The following SLC25A48 variants were observed in gnomAD, a reference collection of about 807,000 sequenced individuals.
The protein encoded by SLC25A48 is CTC-321K16.1.
Under a neutral mutation model 32.2 loss-of-function variants are expected in SLC25A48, and 29 were observed. The observed-to-expected ratio is 0.90, with a 90% CI of 0.67 to 1.23. SLC25A48 has a LOEUF of 1.23. Among genes scored for constraint, SLC25A48 ranks in the 50% most tolerant of loss-of-function variants. The pLI is 0.00. For synonymous variants in SLC25A48, 164 were observed against 172.3 expected (o/e 0.95, Z 0.38); for missense variants, 399 against 422.7 (o/e 0.94, Z 0.49).
chr5:135,887,194 T>C (rs1265952378), intron 7 of SLC25A48, among the ~76,000 whole-genome samples: 2 of 152,116 alleles, frequency 1.3e-5, no homozygotes, highest in African/African-American at 4.8e-5. Context: ...TCTAAACCAA[T>C]ATAATTAACG....
At chr5:135,722,451 T>C (rs1366606807) in intron 3 of SLC25A48, among the ~76,000 whole-genome samples, 1 of 152,206 alleles carries the variant, frequency 6.6e-6, no homozygotes, top group Non-Finnish European at 1.5e-5. Flanking sequence ...TTGCCTGCGA[T>C]TTTTATTTTC....
At chr5:135,800,161 G>A (rs899711771) in intron 3 of SLC25A48, among the ~76,000 whole-genome samples, 3 of 151,488 alleles carry the variant, frequency 2.0e-5, no homozygotes, top group Non-Finnish European at 3.0e-5. Flanking sequence ...CTGTGATATT[G>A]CTTTTAATGT....
chr5:135,774,128 G>T (rs1756488481), intron 3 of SLC25A48, among the ~76,000 whole-genome samples: 1 of 151,294 alleles, frequency 6.6e-6, no homozygotes, highest in Admixed American at 6.6e-5. Context: ...CGAAGGGTGT[G>T]TACACCCCCC....
chr5:135,843,864 T>A (rs1237013911), intron 2 of SLC25A48, among the ~76,000 whole-genome samples: 2 of 152,014 alleles, frequency 1.3e-5, no homozygotes, highest in African/African-American at 4.8e-5. Flanking sequence ...GATTGCAGAG[T>A]GTGCTAGGGG....
At chr5:135,593,151 T>TC (rs139040099) in intron 1 of SLC25A48, among the ~76,000 whole-genome samples, 2 of 152,124 alleles carry the variant, frequency 1.3e-5, no homozygotes, top group Non-Finnish European at 2.9e-5. Flanking sequence ...ATTGCATTGT[T>TC]CCCCCCACAC....
chr5:135,613,866 A>T (rs1478686447), intron 1 of SLC25A48, among the ~76,000 whole-genome samples: 3 of 152,212 alleles, frequency 2.0e-5, no homozygotes, highest in Non-Finnish European at 4.4e-5. Flanking sequence ...TTTTGAAGTT[A>T]GGTGGTGTGA....
intron 1 of SLC25A48, among the ~76,000 whole-genome samples, chr5:135,614,926 C>T (rs1752152535): frequency 6.6e-6 from 1 of 152,172 alleles, no homozygotes; most frequent in African/African-American, 2.4e-5. Flanking sequence ...GCACCTCCCC[C>T]TTTTGTCTCT....
rs1759962476 is a variant in SLC25A48 at position 135,852,546 on chromosome 5, T to G, written c.163-17T>G. The G allele has an allele frequency of 2.5e-6, 4 of 1,583,370 alleles. No homozygotes were observed. The East Asian group carries it at 9.0e-5, about 36-fold the overall frequency. ...GCCCGGGGTCCTCACGCCTCTTCCTTCTGGTTTTCACTGCAGATGTTCGGC... is the reference window on the plus strand; with the variant it reads ...GCCCGGGGTCCTCACGCCTCTTCCTGCTGGTTTTCACTGCAGATGTTCGGC... On this transcript the variant is annotated splice_polypyrimidine_tract_variant and intron_variant, in intron 3 of 7. Coordinates refer to ENST00000681962, the MANE Select transcript of SLC25A48 (RefSeq NM_001349336.2).
chr5:135,816,725 C>T (rs1315976431), intron 4 of SLC25A48, among the ~76,000 whole-genome samples: 1 of 152,016 alleles, frequency 6.6e-6, no homozygotes, highest in Non-Finnish European at 1.5e-5. Context: ...CCACTATAAA[C>T]AACAAGAAAA....
At chr5:135,820,597 G>A (rs1757858377) in intron 4 of SLC25A48, among the ~76,000 whole-genome samples, 1 of 151,926 alleles carries the variant, frequency 6.6e-6, no homozygotes, top group Non-Finnish European at 1.5e-5. Flanking sequence ...ATATGGTATT[G>A]GTACAAAGAG....
intron 4 of SLC25A48, among the ~76,000 whole-genome samples, chr5:135,867,214 G>C (rs1392127312): frequency 6.6e-6 from 1 of 152,158 alleles, no homozygotes; most frequent in Non-Finnish European, 1.5e-5. Flanking sequence ...GCATATGCAT[G>C]TACACCCTGA....
chr5:135,596,616 C>G (rs1368229729), intron 1 of SLC25A48, among the ~76,000 whole-genome samples: 1 of 152,138 alleles, frequency 6.6e-6, no homozygotes, highest in East Asian at 1.9e-4. Context: ...CTCAGTTGTC[C>G]GTGGGGCTGC....
intron 7 of SLC25A48, among the ~76,000 whole-genome samples, chr5:135,881,813 T>C (rs1271790665): frequency 6.6e-6 from 1 of 152,244 alleles, no homozygotes; most frequent in Non-Finnish European, 1.5e-5. Flanking sequence ...ATGTCTTATG[T>C]GTATTTTCAA....
intron 3 of SLC25A48, among the ~76,000 whole-genome samples, chr5:135,647,691 GA>G (rs1209005370): frequency 6.6e-6 from 1 of 152,166 alleles, no homozygotes; most frequent in Non-Finnish European, 1.5e-5. Context: ...TCATGGCAGG[GA>G]AGGGGTCACT....
intron 1 of SLC25A48, among the ~76,000 whole-genome samples, chr5:135,593,393 G>A (rs900020470): frequency 2.6e-5 from 4 of 152,208 alleles, no homozygotes; most frequent in Admixed American, 2.0e-4. Context: ...CACAATGCAC[G>A]TGTCTTAACC....
chr5:135,696,409 TGCCAGA>T (rs1754267811), intron 3 of SLC25A48, among the ~76,000 whole-genome samples: 1 of 152,174 alleles, frequency 6.6e-6, no homozygotes, highest in Non-Finnish European at 1.5e-5. Context: ...CCAAATTCTG[TGCCAGA>T]TACACAGTAG....
intron 2 of SLC25A48, among the ~76,000 whole-genome samples, chr5:135,846,561 C>G (rs1339559651): frequency 6.6e-6 from 1 of 152,178 alleles, no homozygotes; most frequent in Non-Finnish European, 1.5e-5. Context: ...ACACTGAGCA[C>G]TCATCCTCTT....
At chr5:135,708,823 T>A (rs1474363321) in intron 3 of SLC25A48, among the ~76,000 whole-genome samples, 1 of 152,144 alleles carries the variant, frequency 6.6e-6, no homozygotes, top group Non-Finnish European at 1.5e-5. Context: ...AGTGAGTGAG[T>A]ACCATGAATC....
chr5:135,828,377 C>T (rs1223563508), intron 4 of SLC25A48, among the ~76,000 whole-genome samples: 1 of 152,206 alleles, frequency 6.6e-6, no homozygotes, highest in Non-Finnish European at 1.5e-5. Context: ...TGCATTGACT[C>T]ACTGAGTGTG....
Sources: gnomAD v4.1 joint callset for allele counts (sites outside exome capture counted in the v4.1 genomes callset) on GRCh38, gnomAD v4.1.1 for gene constraint, MANE v1.5 for transcripts, NCBI Gene and HGNC (gene_info 2026-07-23, HGNC 2026-07-21) for gene names.